The following CELF4 variants were observed in gnomAD, a reference collection of about 807,000 sequenced individuals.
The protein encoded by CELF4 is CUGBP Elav-like family member 4.
Under a neutral mutation model 59.9 loss-of-function variants are expected in CELF4, and 18 were observed. The ratio of observed to expected loss-of-function variants is 0.30; its 90% CI spans 0.21 to 0.45. The LOEUF (loss-of-function observed/expected upper bound fraction) is 0.45. CELF4 is among the 20% of genes least tolerant of loss of function. CELF4 has a pLI of 1.00. For missense variants in CELF4, 456 were observed against 689.0 expected (o/e 0.66, Z 3.79); for synonymous variants, 261 against 267.1 (o/e 0.98, Z 0.22).
intron 3 of CELF4, among the ~76,000 whole-genome samples, chr18:37,278,359 T>C (rs1037477461): frequency 4.6e-5 from 7 of 152,222 alleles, no homozygotes; most frequent in African/African-American, 1.7e-4. Context: ...TGTCTGCTTC[T>C]AGGATCCTCA....
chr18:37,491,618 T>A (rs1032629033), intron 1 of CELF4, among the ~76,000 whole-genome samples: 1 of 151,194 alleles, frequency 6.6e-6, no homozygotes, highest in Non-Finnish European at 1.5e-5. Flanking sequence ...TGAAGGGAGA[T>A]TGGGAAAAGT....
chr18:37,427,039 G>A (rs1341978522), intron 2 of CELF4, among the ~76,000 whole-genome samples: 63 of 24,360 alleles, frequency 2.6e-3, no homozygotes, highest in Non-Finnish European at 5.6e-3. Context: ...CAGGGACACG[G>A]GGGGGGGGGA....
At chr18:37,492,295 C>T (rs553597885) in intron 1 of CELF4, among the ~76,000 whole-genome samples, 170 of 152,302 alleles carry the variant, frequency 1.1e-3, no homozygotes, top group Non-Finnish European at 1.8e-3. Context: ...CACTCATCCA[C>T]CTGCCATGGT....
chr18:37,277,179 CAAT>C (rs1285972602), intron 3 of CELF4, among the ~76,000 whole-genome samples: 1 of 151,964 alleles, frequency 6.6e-6, no homozygotes, highest in East Asian at 1.9e-4. Flanking sequence ...GGCCAGTTCT[CAAT>C]GATGATGTGG....
At chr18:37,297,727 C>T (rs967296149) in intron 3 of CELF4, among the ~76,000 whole-genome samples, 1 of 152,236 alleles carries the variant, frequency 6.6e-6, no homozygotes, top group Non-Finnish European at 1.5e-5. Context: ...CTCAAAGGCA[C>T]CCAGTGCTCT....
intron 1 of CELF4, among the ~76,000 whole-genome samples, chr18:37,490,172 A>G (rs948532): frequency 0.28 from 42,142 of 152,070 alleles, 6,090 homozygotes; most frequent in South Asian, 0.31. Flanking sequence ...TGTATATACA[A>G]TGGAGACACA....
intron 8 of CELF4, among the ~76,000 whole-genome samples, chr18:37,267,887 A>C (rs2078454160): frequency 6.6e-6 from 1 of 151,984 alleles, no homozygotes; most frequent in Non-Finnish European, 1.5e-5. Context: ...AATACAAAAA[A>C]ATTAGTGGGC....
intron 2 of CELF4, among the ~76,000 whole-genome samples, chr18:37,387,361 G>A (rs2099110790): frequency 6.6e-6 from 1 of 152,234 alleles, no homozygotes; most frequent in African/African-American, 2.4e-5. Flanking sequence ...TGGGACCCTG[G>A]CTGGCTTCTG....
intron 3 of CELF4, among the ~76,000 whole-genome samples, chr18:37,308,279 C>A (rs1355993200): frequency 1.3e-5 from 2 of 152,154 alleles, no homozygotes; most frequent in African/African-American, 4.8e-5. Context: ...ACCCCAAACT[C>A]CTTTGCCTGG....
chr18:37,365,728 C>T (rs796894796), intron 2 of CELF4, among the ~76,000 whole-genome samples: 47 of 152,120 alleles, frequency 3.1e-4, no homozygotes, highest in African/African-American at 9.2e-4. Flanking sequence ...TCAGGTGATC[C>T]GCCCGCCTTG....
intron 2 of CELF4, among the ~76,000 whole-genome samples, chr18:37,382,560 G>T (rs2099052390): frequency 6.6e-6 from 1 of 152,138 alleles, no homozygotes; most frequent in Non-Finnish European, 1.5e-5. Context: ...CTTTCACCAG[G>T]CAAAGGTGGT....
chr18:37,377,655 G>T (rs1179731736), intron 2 of CELF4, among the ~76,000 whole-genome samples: 2 of 152,198 alleles, frequency 1.3e-5, no homozygotes, highest in Admixed American at 6.5e-5. Flanking sequence ...CTTGCGACTG[G>T]GCTTTCAGGA....
At chr18:37,466,674 G>A (rs1246557235) in intron 2 of CELF4, among the ~76,000 whole-genome samples, 1 of 152,202 alleles carries the variant, frequency 6.6e-6, no homozygotes, top group Non-Finnish European at 1.5e-5. Flanking sequence ...TGAATAAGTA[G>A]GACCCAGTCC....
intron 2 of CELF4, among the ~76,000 whole-genome samples, chr18:37,330,663 T>C (rs911888414): frequency 6.6e-6 from 1 of 152,140 alleles, no homozygotes; most frequent in African/African-American, 2.4e-5. Context: ...CAATGCACAG[T>C]AGGTGGTCAG....
At chr18:37,518,234 C>T (rs897588550) in intron 1 of CELF4, among the ~76,000 whole-genome samples, 4 of 152,122 alleles carry the variant, frequency 2.6e-5, no homozygotes, top group Non-Finnish European at 5.9e-5. Flanking sequence ...GGCGGGCAAG[C>T]GTAATATTAC....
Position 37,253,802 on chromosome 18 carries a change from C to T in CELF4, c.*9G>A. ...CCTGGTCTCCCCCGGGGGACGCTCC[C>T]GCCGGCGCTCAGTACGGGCGATTGG... On this transcript the variant is annotated 3_prime_UTR_variant, in exon 12 of 13. Transcript: ENST00000420428. This position sits in a 1 kb window ranked among gnomAD's most constrained non-coding sequence, Gnocchi z 4.5. 6.3e-7 allele frequency: 1 copy of T among 1,593,744 alleles called. No homozygotes were observed. Among genetic ancestry groups the T allele is most frequent in the Non-Finnish European group, 8.5e-7 (1 of 1,170,106 alleles).
At chr18:37,495,905 T>C (rs1298765157) in intron 1 of CELF4, among the ~76,000 whole-genome samples, 1 of 152,114 alleles carries the variant, frequency 6.6e-6, no homozygotes, top group Non-Finnish European at 1.5e-5. Context: ...TTATCTCCCA[T>C]GAAAGGAGAA....
At chr18:37,353,176 G>C (rs1353220664) in intron 2 of CELF4, among the ~76,000 whole-genome samples, 2 of 144,146 alleles carry the variant, frequency 1.4e-5, no homozygotes, top group African/African-American at 5.1e-5. Flanking sequence ...AGCCGAGATT[G>C]CGCCACTGCA....
chr18:37,301,330 G>A (rs2096018042), intron 3 of CELF4, among the ~76,000 whole-genome samples: 1 of 152,200 alleles, frequency 6.6e-6, no homozygotes, highest in South Asian at 2.1e-4. Context: ...CTGATTCCTT[G>A]TTTCTATCCT....
Sources: allele counts gnomAD v4.1 joint callset (sites outside exome capture counted in the v4.1 genomes callset), GRCh38; gene constraint gnomAD v4.1.1; non-coding constraint Gnocchi (gnomAD v3.1); transcripts MANE v1.5; gene names NCBI Gene and HGNC (gene_info 2026-07-23, HGNC 2026-07-21).